AKAP19: variants seen among roughly 807,000 people sequenced by gnomAD.
The protein encoded by AKAP19 is A-kinase anchoring protein 19, also known as small A-kinase anchoring protein.
At chr2:190,063,293 A>G in the AKAP19 span, among the ~76,000 whole-genome samples, 2 of 152,148 alleles carry the variant, frequency 1.3e-5, no homozygotes, top group African/African-American at 4.8e-5. Context: ...CTAAATTCTT[A>G]GTAAATATTG....
chr2:189,923,651 G>A, the AKAP19 span: 6 of 1,613,880 alleles, frequency 3.7e-6, no homozygotes, highest in Middle Eastern at 6.6e-4. Context: ...GGAGATGTAC[G>A]GCTCCTCTTT....
At chr2:189,893,293 G>C in the AKAP19 span, among the ~76,000 whole-genome samples, 1 of 152,224 alleles carries the variant, frequency 6.6e-6, no homozygotes, top group African/African-American at 2.4e-5. Flanking sequence ...AGCTAGCTCA[G>C]TGTCTGCCCA....
chr2:190,069,173 T>TGAGAGA, the AKAP19 span, among the ~76,000 whole-genome samples: 52 of 98,916 alleles, frequency 5.3e-4, no homozygotes, highest in African/African-American at 1.3e-3. Context: ...TGTGTGTGTG[T>TGAGAGA]GTGAGAGAGA....
the AKAP19 span, among the ~76,000 whole-genome samples, chr2:190,187,308 G>A: frequency 3.3e-5 from 5 of 152,124 alleles, no homozygotes; most frequent in East Asian, 9.6e-4. Context: ...GACATAAAAT[G>A]GGACAATGGT....
the AKAP19 span, among the ~76,000 whole-genome samples, chr2:190,043,346 G>T: frequency 8.3e-4 from 126 of 152,020 alleles, 1 homozygote; most frequent in Non-Finnish European, 1.5e-3. Flanking sequence ...TCATAGATTT[G>T]GCCCCTTTAC....
the AKAP19 span, among the ~76,000 whole-genome samples, chr2:190,160,096 G>A: frequency 2.6e-5 from 4 of 152,278 alleles, no homozygotes; most frequent in South Asian, 4.1e-4. Flanking sequence ...GGACAATCAC[G>A]ACCTAGCTGA....
the AKAP19 span, among the ~76,000 whole-genome samples, chr2:190,021,431 A>C: frequency 1.3e-5 from 2 of 152,204 alleles, no homozygotes; most frequent in East Asian, 3.8e-4. Context: ...ACTTGGTGTT[A>C]GAGTTATGCT....
chr2:190,192,138 G>C, the AKAP19 span, among the ~76,000 whole-genome samples: 1 of 151,956 alleles, frequency 6.6e-6, no homozygotes, highest in Non-Finnish European at 1.5e-5. Context: ...TAAAGTATAA[G>C]GTATAAGTAG....
chr2:189,941,727 TA>T, the AKAP19 span, among the ~76,000 whole-genome samples: 14 of 152,136 alleles, frequency 9.2e-5, no homozygotes, highest in Non-Finnish European at 1.9e-4. Flanking sequence ...AAAAATCACT[TA>T]ACCACAGAGG....
At chr2:190,171,039 C>T in the AKAP19 span, among the ~76,000 whole-genome samples, 7 of 152,170 alleles carry the variant, frequency 4.6e-5, no homozygotes, top group African/African-American at 1.7e-4. Context: ...TAATTGGTGG[C>T]TAGTCCTTTA....
the AKAP19 span, among the ~76,000 whole-genome samples, chr2:190,049,363 T>C: frequency 6.6e-6 from 1 of 152,156 alleles, no homozygotes; most frequent in Non-Finnish European, 1.5e-5. Flanking sequence ...TTTTCACCTA[T>C]CAGACTAGAA....
At chr2:190,049,049 AC>A in the AKAP19 span, among the ~76,000 whole-genome samples, 1 of 152,142 alleles carries the variant, frequency 6.6e-6, no homozygotes, top group African/African-American at 2.4e-5. Flanking sequence ...ATAAATAAAG[AC>A]TAAAGTATGT....
the AKAP19 span, among the ~76,000 whole-genome samples, chr2:189,890,459 A>G: frequency 2.0e-5 from 3 of 152,152 alleles, no homozygotes; most frequent in Admixed American, 2.0e-4. Flanking sequence ...GCTGAGTTCA[A>G]GTCCTGAATA....
the AKAP19 span, among the ~76,000 whole-genome samples, chr2:189,900,133 TAAC>T: frequency 1.3e-5 from 2 of 152,242 alleles, no homozygotes; most frequent in Admixed American, 1.3e-4. Flanking sequence ...ATGAATTTGC[TAAC>T]AACTTAAAAC....
At chr2:189,890,589 G>T in the AKAP19 span, among the ~76,000 whole-genome samples, 1 of 152,166 alleles carries the variant, frequency 6.6e-6, no homozygotes, top group Admixed American at 6.5e-5. Flanking sequence ...CTTGCTTTAT[G>T]AATCTAGGTG....
At chr2:189,885,341 T>C in the AKAP19 span, among the ~76,000 whole-genome samples, 11 of 152,200 alleles carry the variant, frequency 7.2e-5, no homozygotes, top group African/African-American at 2.7e-4. Context: ...GAGTCTGCCA[T>C]TGTGTAAAAA....
chr2:189,942,278 G>A, the AKAP19 span, among the ~76,000 whole-genome samples: 1 of 152,078 alleles, frequency 6.6e-6, no homozygotes, highest in Non-Finnish European at 1.5e-5. Flanking sequence ...ACTCAACTCT[G>A]TTTCTTGCTC....
At chr2:190,200,006 A>C in the AKAP19 span, 1 of 1,614,118 alleles carries the variant, frequency 6.2e-7, no homozygotes, top group Non-Finnish European at 8.5e-7. Flanking sequence ...GAGGAAGTGA[A>C]GGAACCTCCA....
the AKAP19 span, among the ~76,000 whole-genome samples, chr2:190,156,190 A>C: frequency 6.6e-6 from 1 of 152,148 alleles, no homozygotes; most frequent in African/African-American, 2.4e-5. Flanking sequence ...TTTGATATTT[A>C]ATAAAAATGG....
Sources: allele counts gnomAD v4.1 joint callset (sites outside exome capture counted in the v4.1 genomes callset), GRCh38; gene constraint gnomAD v4.1.1; transcripts MANE v1.5; gene names NCBI Gene and HGNC (gene_info 2026-07-23, HGNC 2026-07-21).